SULT1A2: variants seen among roughly 807,000 people sequenced by gnomAD.
SULT1A2 encodes sulfotransferase family 1A member 2, also known as sulfotransferase 1A2.
A neutral mutation model predicts 36.0 loss-of-function variants in SULT1A2; 33 were observed. The ratio of observed to expected loss-of-function variants is 0.92; its 90% CI spans 0.69 to 1.22. The LOEUF (loss-of-function observed/expected upper bound fraction) is 1.22. Among genes scored for constraint, SULT1A2 ranks in the 50% most tolerant of loss-of-function variants. SULT1A2 has a pLI of 0.00. For missense variants in SULT1A2, 367 were observed against 383.2 expected, an observed-to-expected ratio of 0.96 and a Z score of 0.35; for synonymous variants, 138 against 144.5, an observed-to-expected ratio of 0.96 and a Z score of 0.32.
chr16:28,592,245 G>A lies in SULT1A2; in HGVS notation c.775+18C>T, dbSNP rs759526962. ...CTGCTCCCACCTGCTCCAAACCCCC[G>A]TGCTGGCCGGCACCTACCTTTCCTC... On this transcript the variant is annotated intron_variant, in intron 7 of 7. Coordinates refer to ENST00000335715, the MANE Select transcript of SULT1A2 (RefSeq NM_001054.4). 1.5e-5 allele frequency: 24 copies of A among 1,613,800 alleles called. 1 individual carries two copies. The highest frequency in any genetic ancestry group is 8.8e-5 in the South Asian group (8 of 91,086).
In SULT1A2 at chr16:28,592,386, C is replaced by T; in HGVS notation, c.652G>A (p.Glu218Lys). 4.3e-6 allele frequency: 7 copies of T among 1,612,538 alleles called. No homozygotes were observed. The highest frequency in any genetic ancestry group is 5.9e-6 in the Non-Finnish European group (7 of 1,178,846). The change falls in exon 7 of 8, where the codon GAG becomes AAG. Residue 218 changes from glutamate (E) to lysine (K), a missense_variant. Physicochemically the swap from Glu to Lys is moderately conservative, Grantham distance 56. Transcript: ENST00000335715. ...TGCTCAACCATGAGGTCCACAGTCT[C>T]CTCTGGCAGGGAGCGCCCCACAAAC... ...LEFVGRSLPE[E>K]TVDLMVEHTS...
At chr16:28,595,329 C>T in intron 4 of SULT1A2, 38 bp downstream of exon 4, 2 of 1,611,692 alleles carry the variant, frequency 1.2e-6, no homozygotes, top group Non-Finnish European at 8.5e-7. Context: ...TCCCAAAGTA[C>T]TGAGATTGCG....
rs1226524728 is a variant in SULT1A2, at chr16:28,593,284, CAG to C, written c.560_561del (p.Pro187ArgfsTer7). On this transcript the variant is annotated frameshift_variant, in exon 6 of 8. Transcript: ENST00000335715. LOFTEE classifies it high-confidence loss of function. The part of the protein sequence containing the change: ...QEWWELSRTH[P>X]VLYLFYEDMK... ...ATGTCTTCATAGAAGAGGTAGAGAA[CAG>C]GGTGGGTGCGGCTCAGCTCCCACCA... 1.2e-6 allele frequency: 2 copies of C among 1,613,958 alleles called. No individual in the cohort carries two copies. The highest frequency in any genetic ancestry group is 8.5e-7 in the Non-Finnish European group (1 of 1,180,036).
rs1415957824 is a variant in SULT1A2, at chr16:28,593,300, C to T, written c.546G>A (p.Leu182=). ...WYQHVQEWWE[L]SRTHPVLYLF... ...GGTAGAGAACAGGGTGGGTGCGGCT[C>T]AGCTCCCACCACTCTTGCACGTGCT... Residue 182 remains leucine, a synonymous_variant, in exon 6 of 8, where the codon CTG becomes CTA. Coordinates refer to ENST00000335715, the MANE Select transcript of SULT1A2 (RefSeq NM_001054.4). The T allele has an allele frequency of 1.9e-6, 3 of 1,614,140 alleles. No homozygotes were observed. Among genetic ancestry groups the T allele is most frequent in the East Asian group, 2.2e-5 (1 of 44,864 alleles).
In SULT1A2 at chr16:28,592,144, G is replaced by A. The variant is rs372740451; in HGVS notation, c.776-4C>T. On this transcript the variant is annotated splice_polypyrimidine_tract_variant and splice_region_variant and intron_variant, in intron 7 of 7. Coordinates refer to ENST00000335715, the MANE Select transcript of SULT1A2 (RefSeq NM_001054.4). ...GTCTTCCAGTCCCCAGCCATGCCTG[G>A]GGGAGGAAGGCAGGGAGCAAAGCTG... 3.1e-6 allele frequency: 5 copies of A among 1,612,112 alleles called. No homozygotes were observed. In the African/African-American group the frequency reaches 4.0e-5, roughly 13 times the overall value.
rs372936067 is a variant in SULT1A2, at chr16:28,593,235, A to G, written c.594+17T>C. 6.2e-7 allele frequency: 1 copy of G among 1,612,584 alleles called. No individual in the cohort carries two copies. The highest frequency in any genetic ancestry group is 1.3e-5 in the African/African-American group (1 of 74,878). ...CCCCAGGTGTCACGTGGAGGGAAGC[A>G]TCAAAGGCGGTCTCACCTCCTTCAT... On this transcript the variant is annotated intron_variant, in intron 6 of 7. Coordinates refer to ENST00000335715, the MANE Select transcript of SULT1A2 (RefSeq NM_001054.4).
chr16:28,593,235 A>T lies in SULT1A2; in HGVS notation c.594+17T>A, dbSNP rs372936067. On this transcript the variant is annotated intron_variant, in intron 6 of 7. Transcript: ENST00000335715. The stretch of plus-strand genomic sequence containing the variant: ...CCCCAGGTGTCACGTGGAGGGAAGC[A>T]TCAAAGGCGGTCTCACCTCCTTCAT... The T allele has an allele frequency of 6.2e-6, 10 of 1,612,584 alleles. No homozygotes were observed. Among genetic ancestry groups the T allele is most frequent in the Admixed American group, 1.7e-5 (1 of 59,982 alleles).
rs531480226 is a variant in SULT1A2 at position 28,597,032 on chromosome 16, G to A, written c.-40C>T. 42 of 1,283,108 alleles carry A rather than the reference G, an allele frequency of 3.3e-5. No individual in the cohort carries two copies. The highest frequency in any genetic ancestry group is 3.9e-5 in the Non-Finnish European group (38 of 983,346). 79.5% of individuals were successfully genotyped at this position (1,283,108 alleles called of 1,614,324 possible). ...GGGAACCTGGCCTTGTGCCCTCCTC[G>A]CCCGCAGTGGCTGAGTGTGGGTGTT... On this transcript the variant is annotated 5_prime_UTR_variant, in exon 1 of 8. Transcript: ENST00000335715.
In SULT1A2 at chr16:28,593,357, G is replaced by A. The variant is rs11569772; in HGVS notation, c.500-11C>T. On this transcript the variant is annotated splice_polypyrimidine_tract_variant and intron_variant, in intron 5 of 7. Coordinates refer to ENST00000335715, the MANE Select transcript of SULT1A2 (RefSeq NM_001054.4). The stretch of plus-strand genomic sequence containing the variant: ...AGGACCCATAGGACACTGGAGAAGC[G>A]GGCAGGGAGTGCCGACACAGGGTTG... The A allele has an allele frequency of 2.1e-3, 3,379 of 1,614,152 alleles. 45 individuals carry two copies. In the African/African-American group the frequency reaches 0.036, roughly 17 times the overall value.
intron 1 of SULT1A2, chr16:28,596,367 T>G: frequency 1.8e-6 from 2 of 1,111,046 alleles, no homozygotes; most frequent in African/African-American, 1.7e-5. Flanking sequence ...TAGGCTCCTC[T>G]CCCCGATGTT....
At position 28,594,107 on chromosome 16, in the gene SULT1A2, T is replaced by TTG. The variant is rs146725179; in HGVS notation, c.373-540_373-539insCA. The stretch of plus-strand genomic sequence containing the variant: ...TTTTGTTGTGGTTTTTTTTTTTTTT[T>TTG]GGGGGGGGGGACTCTAGGTCTCAAA... On this transcript the variant is annotated intron_variant, in intron 4 of 7. Coordinates refer to ENST00000335715, the MANE Select transcript of SULT1A2 (RefSeq NM_001054.4). Among the ~76,000 whole-genome samples the TTG allele has an allele frequency of 2.8e-3, 348 of 126,232 alleles. 1 individual carries two copies. The highest frequency in any genetic ancestry group is 4.5e-3 in the Non-Finnish European group (268 of 59,024). 82.8% of individuals were successfully genotyped at this position (126,232 alleles called of 152,430 possible).
chr16:28,594,115 G>T (rs1055900094), intron 4 of SULT1A2, among the ~76,000 whole-genome samples: 6 of 149,274 alleles, frequency 4.0e-5, no homozygotes, highest in Non-Finnish European at 6.0e-5. Context: ...TTTGGGGGGG[G>T]GGACTCTAGG....
In SULT1A2 at chr16:28,591,960, T is replaced by C; in HGVS notation, c.*68A>G. The C allele has an allele frequency of 6.2e-7, 1 of 1,610,496 alleles. No individual in the cohort carries two copies. The highest frequency in any genetic ancestry group is 8.5e-7 in the Non-Finnish European group (1 of 1,179,178). The stretch of plus-strand genomic sequence containing the variant: ...ACTCTGCATTGAACACAAATCATAC[T>C]TTATTCTGGAGCCTCTTGGTCAGGC... On this transcript the variant is annotated 3_prime_UTR_variant, in exon 8 of 8. Coordinates refer to ENST00000335715, the MANE Select transcript of SULT1A2 (RefSeq NM_001054.4).
At position 28,595,834 on chromosome 16, in the gene SULT1A2, T is replaced by C. The variant is rs371558320; in HGVS notation, c.97A>G (p.Ser33Gly). 3.1e-6 allele frequency: 5 copies of C among 1,611,738 alleles called. No individual in the cohort carries two copies. In the African/African-American group the frequency reaches 4.0e-5, roughly 13 times the overall value. ...AGGTCATCAGGCCGGGCCTGGAAGCTCTGCAGGGGCCCCAGTGCCTCTGCA... is the reference window on the plus strand; with the variant it reads ...AGGTCATCAGGCCGGGCCTGGAAGCCCTGCAGGGGCCCCAGTGCCTCTGCA... ...YFAEALGPLQSFQARPDDLLI... is the reference protein window; with the variant it reads ...YFAEALGPLQGFQARPDDLLI... The change falls in exon 2 of 8, where the codon AGC becomes GGC. Residue 33 changes from serine to glycine, a missense_variant. Physicochemically the swap from Ser to Gly is moderately conservative, Grantham distance 56 (BLOSUM62 0). Transcript: ENST00000335715.
chr16:28,596,835 A>C, intron 1 of SULT1A2, 162 bp downstream of exon 1: 1 of 422,936 alleles, frequency 2.4e-6, no homozygotes, highest in Non-Finnish European at 3.8e-6. Context: ...TCCCCGGAAA[A>C]AAAAAAAAGG....
intron 4 of SULT1A2, among the ~76,000 whole-genome samples, chr16:28,594,770 C>CGGGTT: frequency 1.9e-5 from 1 of 53,844 alleles, no homozygotes; most frequent in South Asian, 6.6e-4. Flanking sequence ...CCACCTGCCG[C>CGGGTT]TTTTTTTTTT....
At position 28,595,476 on chromosome 16, in the gene SULT1A2, G is replaced by C. The variant is rs1287927792; in HGVS notation, c.275-12C>G. 2.5e-5 allele frequency: 41 copies of C among 1,614,088 alleles called. No homozygotes were observed. The highest frequency in any genetic ancestry group is 3.5e-5 in the Non-Finnish European group (41 of 1,180,020). ...CAGAGTCTCCATCCCTGAGCAGTGG[G>C]TCAGGGAAGGTCTGGTGAGCTGAAG... On this transcript the variant is annotated splice_polypyrimidine_tract_variant and intron_variant, in intron 3 of 7. Coordinates refer to ENST00000335715, the MANE Select transcript of SULT1A2 (RefSeq NM_001054.4).
At position 28,592,356 on chromosome 16, in the gene SULT1A2, A is replaced by T; in HGVS notation, c.682T>A (p.Ser228Thr). 1 of 1,613,924 alleles carries T rather than the reference A, an allele frequency of 6.2e-7. No homozygotes were observed. The highest frequency in any genetic ancestry group is 8.5e-7 in the Non-Finnish European group (1 of 1,179,852). Residue 228 changes from serine (S) to threonine (T), a missense_variant, in exon 7 of 8, where the codon TCG becomes ACG. Ser to Thr is a moderately conservative substitution (Grantham distance 58). Transcript: ENST00000335715. ...GGGTTCTTCTTCATCTCCTTGAACG[A>T]CGTGTGCTCAACCATGAGGTCCACA... ...ETVDLMVEHTSFKEMKKNPMT... is the reference protein window; with the variant it reads ...ETVDLMVEHTTFKEMKKNPMT...
chr16:28,593,805 C>T (rs781722840), intron 4 of SULT1A2, among the ~76,000 whole-genome samples: 2 of 152,166 alleles, frequency 1.3e-5, no homozygotes, highest in Non-Finnish European at 2.9e-5. Flanking sequence ...CGTCACACCC[C>T]GATCTGGAGC....
Sources: allele counts gnomAD v4.1 joint callset (sites outside exome capture counted in the v4.1 genomes callset), GRCh38; gene constraint gnomAD v4.1.1; transcripts MANE v1.5; gene names NCBI Gene and HGNC (gene_info 2026-07-23, HGNC 2026-07-21).